FHOD3: variants seen among roughly 807,000 people sequenced by gnomAD.
The protein encoded by FHOD3 is FH1/FH2 domain-containing protein 3.
Under a neutral mutation model 173.0 loss-of-function variants are expected in FHOD3, and 90 were observed. The ratio of observed to expected loss-of-function variants is 0.52; its 90% CI spans 0.44 to 0.62. The LOEUF (loss-of-function observed/expected upper bound fraction) is 0.62. Ranked by LOEUF, FHOD3 falls within the 20% of genes least tolerant of loss-of-function variation. FHOD3 has a pLI of 0.00. For missense variants in FHOD3, 1,945 were observed against 2,034.7 expected (o/e 0.96, Z 0.85); for synonymous variants, 828 against 823.0 (o/e 1.01, Z -0.10).
chr18:36,512,059 A>G (rs1225752620), intron 4 of FHOD3, among the ~76,000 whole-genome samples: 4 of 152,236 alleles, frequency 2.6e-5, no homozygotes, highest in South Asian at 2.1e-4. Flanking sequence ...CTTTGCTGCA[A>G]TCAAATGTTT....
chr18:36,649,467 G>T, intron 11 of FHOD3, 62 bp downstream of exon 11: 1 of 1,309,660 alleles, frequency 7.6e-7, no homozygotes, highest in Non-Finnish European at 1.1e-6. Flanking sequence ...CCTAATGATA[G>T]TTCACTGCCT....
At chr18:36,331,633 A>G (rs962668522) in intron 1 of FHOD3, among the ~76,000 whole-genome samples, 4 of 152,248 alleles carry the variant, frequency 2.6e-5, no homozygotes, top group Admixed American at 6.5e-5. Context: ...AGGAAGGACA[A>G]CTTTGGAAGG....
At chr18:36,586,917 A>C (rs953030828) in intron 6 of FHOD3, among the ~76,000 whole-genome samples, 6 of 152,122 alleles carry the variant, frequency 3.9e-5, no homozygotes, top group African/African-American at 7.2e-5. Context: ...GCCAGTCCCC[A>C]AAAAAGGGGG....
intron 1 of FHOD3, among the ~76,000 whole-genome samples, chr18:36,354,765 C>T (rs1157119486): frequency 6.7e-6 from 1 of 149,864 alleles, no homozygotes; most frequent in Non-Finnish European, 1.5e-5. Context: ...GAGATCATGC[C>T]ACTGCACTCT....
intron 3 of FHOD3, among the ~76,000 whole-genome samples, chr18:36,461,408 A>G (rs139546389): frequency 0.013 from 2,000 of 151,786 alleles, 46 homozygotes; most frequent in African/African-American, 0.046. Context: ...ACTATCTGTG[A>G]AGGTTAGGGG....
chr18:36,635,489 G>T (rs889414686), intron 10 of FHOD3, among the ~76,000 whole-genome samples: 5 of 152,182 alleles, frequency 3.3e-5, no homozygotes, highest in Admixed American at 2.6e-4. Context: ...TTGGTGCAGG[G>T]CTTTCGCTGG....
chr18:36,751,795 C>G (rs909947156), intron 24 of FHOD3, among the ~76,000 whole-genome samples: 1 of 152,088 alleles, frequency 6.6e-6, no homozygotes, highest in African/African-American at 2.4e-5. Context: ...TCCTTTTGTA[C>G]TCTCTGGATG....
intron 1 of FHOD3, among the ~76,000 whole-genome samples, chr18:36,345,502 G>A (rs757323733): frequency 6.6e-5 from 10 of 152,096 alleles, no homozygotes; most frequent in East Asian, 1.9e-4. Context: ...GCAGTGGCAC[G>A]ATCATAGCTG....
intron 3 of FHOD3, among the ~76,000 whole-genome samples, chr18:36,470,714 A>G (rs1312602025): frequency 6.6e-6 from 1 of 152,252 alleles, no homozygotes; most frequent in Non-Finnish European, 1.5e-5. Flanking sequence ...TCTGGGGGGC[A>G]AAAAGCAGAC....
intron 8 of FHOD3, among the ~76,000 whole-genome samples, chr18:36,608,122 G>T (rs1393050245): frequency 6.6e-6 from 1 of 152,072 alleles, no homozygotes; most frequent in Non-Finnish European, 1.5e-5. Flanking sequence ...TCAGTTATTT[G>T]TTATAGCAAC....
intron 4 of FHOD3, among the ~76,000 whole-genome samples, chr18:36,511,489 G>T (rs1022147575): frequency 6.6e-6 from 1 of 151,938 alleles, no homozygotes; most frequent in Non-Finnish European, 1.5e-5. Flanking sequence ...ATTTAATAGA[G>T]CCTGGGCCCC....
intron 28 of FHOD3, 186 bp from the exon 29 acceptor site, chr18:36,779,262 T>C: frequency 1.7e-6 from 1 of 587,878 alleles, no homozygotes; most frequent in Non-Finnish European, 3.0e-6. Context: ...GCCCCAAACT[T>C]TTGTCCTGGC....
chr18:36,559,699 T>C (rs1321171643), intron 5 of FHOD3, among the ~76,000 whole-genome samples: 1 of 152,172 alleles, frequency 6.6e-6, no homozygotes, highest in Non-Finnish European at 1.5e-5. Flanking sequence ...GAGAGAGTGA[T>C]GAAATCAGCT....
At chr18:36,598,663 G>A (rs148279052) in intron 7 of FHOD3, among the ~76,000 whole-genome samples, 1 of 151,780 alleles carries the variant, frequency 6.6e-6, no homozygotes, top group Non-Finnish European at 1.5e-5. Context: ...CCATTCTTCT[G>A]CCTCAGCCTC....
intron 18 of FHOD3, 77 bp downstream of exon 18, chr18:36,709,468 T>TC (rs2040053031): frequency 1.4e-6 from 2 of 1,479,532 alleles, no homozygotes; most frequent in Non-Finnish European, 1.8e-6. Context: ...TAAGAGCTTG[T>TC]CCACAGGCTG....
At chr18:36,604,199 C>T (rs1336687767) in intron 8 of FHOD3, among the ~76,000 whole-genome samples, 1 of 151,998 alleles carries the variant, frequency 6.6e-6, no homozygotes, top group Non-Finnish European at 1.5e-5. Context: ...CCCCATGGGC[C>T]TTCCTTGTAC....
At chr18:36,720,814 T>A (rs947631982) in intron 19 of FHOD3, among the ~76,000 whole-genome samples, 1 of 151,022 alleles carries the variant, frequency 6.6e-6, no homozygotes, top group Non-Finnish European at 1.5e-5. Context: ...CTTCCTCCCC[T>A]CATTGCCCAC....
intron 3 of FHOD3, among the ~76,000 whole-genome samples, chr18:36,489,508 CA>C (rs1463056836): frequency 5.3e-5 from 8 of 152,078 alleles, no homozygotes; most frequent in Non-Finnish European, 8.8e-5. Context: ...CCTGTCTCTA[CA>C]AAAAATTTAA....
At chr18:36,719,898 T>C (rs1008813084) in intron 19 of FHOD3, among the ~76,000 whole-genome samples, 2 of 152,162 alleles carry the variant, frequency 1.3e-5, no homozygotes, top group African/African-American at 4.8e-5. Flanking sequence ...GTGCTGGGAT[T>C]CTTAAGCTGC....
Sources: allele counts gnomAD v4.1 joint callset (sites outside exome capture counted in the v4.1 genomes callset), GRCh38; gene constraint gnomAD v4.1.1; transcripts MANE v1.5; gene names NCBI Gene and HGNC (gene_info 2026-07-23, HGNC 2026-07-21).